Variants in SKA1 observed in about 807,000 individuals in gnomAD.
The protein encoded by SKA1 is spindle and kinetochore associated complex subunit 1.
Under a neutral mutation model 31.8 loss-of-function variants are expected in SKA1, and 20 were observed. That is an observed-to-expected ratio of 0.63 (90% CI 0.44 to 0.91). SKA1 has a LOEUF of 0.91. Ranked by LOEUF, SKA1 falls within the 40% of genes least tolerant of loss-of-function variation. SKA1 has a pLI of 0.00. For synonymous variants in SKA1, 88 were observed against 100.5 expected, an observed-to-expected ratio of 0.88 and a Z score of 0.74; for missense variants, 253 against 298.2, an observed-to-expected ratio of 0.85 and a Z score of 1.12.
intron 3 of SKA1, among the ~76,000 whole-genome samples, chr18:50,380,455 T>C (rs1244176838): frequency 3.9e-5 from 6 of 152,214 alleles, no homozygotes; most frequent in Non-Finnish European, 7.3e-5. Flanking sequence ...GCCAGTGGAA[T>C]TGAACTTTAC....
At chr18:50,382,372 A>G (rs2041270535) in intron 4 of SKA1, 146 bp downstream of exon 4, 1 of 495,448 alleles carries the variant, frequency 2.0e-6, no homozygotes, top group African/African-American at 2.0e-5. Flanking sequence ...CAGTATTTCC[A>G]TGTTCACCAG....
Position 50,391,161 on chromosome 18 carries a change from G to T in SKA1, c.487G>T (p.Asp163Tyr). 6.4e-7 allele frequency: 1 copy of T among 1,573,832 alleles called. No homozygotes were observed. Among genetic ancestry groups the T allele is most frequent in the Non-Finnish European group, 8.6e-7 (1 of 1,160,296 alleles). Residue 163 changes from aspartate to tyrosine, a missense_variant, in exon 6 of 7, where the codon GAT becomes TAT. Asp to Tyr is a radical substitution (Grantham distance 160). Coordinates refer to ENST00000285116, the MANE Select transcript of SKA1 (RefSeq NM_145060.4). ...KSRLTYNQIN[D>Y]VIKEINKAVI... ...CCGCTTAACCTATAATCAAATTAAT[G>T]ATGTTATTAAAGAAATCAACAAGGC...
At position 50,382,177 on chromosome 18, in the gene SKA1, A is replaced by G; in HGVS notation, c.262A>G (p.Lys88Glu). The G allele has an allele frequency of 1.5e-5, 23 of 1,545,318 alleles. No individual in the cohort carries two copies. Among genetic ancestry groups the G allele is most frequent in the Non-Finnish European group, 1.9e-5 (22 of 1,155,264 alleles). ...AGATTACAAAGACATAGAACATCTT[A>G]AAGAAAACGTTCCTTCCCATTTGCC... Reference protein sequence around the residue: ...EEDYKDIEHLKENVPSHLPQV... With the variant: ...EEDYKDIEHLEENVPSHLPQV... Residue 88 changes from lysine to glutamate, a missense_variant, in exon 4 of 7, where the codon AAA (lysine) becomes GAA (glutamate). By Grantham distance (56) the Lys-to-Glu change is moderately conservative. Transcript: ENST00000285116.
chr18:50,391,187 A>T lies in SKA1; in HGVS notation c.513A>T (p.Ala171=), dbSNP rs767674947. The stretch of plus-strand genomic sequence containing the variant: ...ATGTTATTAAAGAAATCAACAAGGC[A>T]GTAATTAGTAAATATAAAATCCTAC... ...INDVIKEINK[A]VISKYKILHQ... The change falls in exon 6 of 7, where the codon GCA becomes GCT. Residue 171 remains alanine (A), a synonymous_variant. Coordinates refer to ENST00000285116, the MANE Select transcript of SKA1 (RefSeq NM_145060.4). 1.2e-6 allele frequency: 2 copies of T among 1,600,290 alleles called. No individual in the cohort carries two copies. Among genetic ancestry groups the T allele is most frequent in the Admixed American group, 3.5e-5 (2 of 57,422 alleles).
rs774749397 is a variant in SKA1 at position 50,392,253 on chromosome 18, T to C, written c.*6T>C. The stretch of plus-strand genomic sequence containing the variant: ...CTCGTTATGTTATAACCTGAGTCCC[T>C]TGTGAACTTTTGAACATACCAACAG... On this transcript the variant is annotated 3_prime_UTR_variant, in exon 7 of 7. Transcript: ENST00000285116. The C allele has an allele frequency of 6.5e-6, 10 of 1,539,620 alleles. No individual in the cohort carries two copies. The highest frequency in any genetic ancestry group is 8.7e-6 in the Non-Finnish European group (10 of 1,147,998).
rs866657764 is a variant in SKA1, at chr18:50,391,225, A to G, written c.551A>G (p.Lys184Arg). ...SKYKILHQPK[K>R]SMNSVTRNLY... ...TATAAAATCCTACATCAGCCAAAAAAGTCTATGAATTCTGTGACCAGAAAT... is the reference window on the plus strand; with the variant it reads ...TATAAAATCCTACATCAGCCAAAAAGGTCTATGAATTCTGTGACCAGAAAT... The change falls in exon 6 of 7, where the codon AAG becomes AGG. Residue 184 changes from lysine to arginine, a missense_variant. By Grantham distance (26) the Lys-to-Arg change is conservative. Coordinates refer to ENST00000285116, the MANE Select transcript of SKA1 (RefSeq NM_145060.4). 6.2e-7 allele frequency: 1 copy of G among 1,606,188 alleles called. No homozygotes were observed. Among genetic ancestry groups the G allele is most frequent in the Non-Finnish European group, 8.5e-7 (1 of 1,178,288 alleles).
intron 5 of SKA1, among the ~76,000 whole-genome samples, chr18:50,388,032 C>A (rs746757177): frequency 1.3e-5 from 2 of 152,112 alleles, no homozygotes; most frequent in Non-Finnish European, 2.9e-5. Context: ...ATGGTTGCTA[C>A]GGTTGTAAAT....
chr18:50,385,495 T>C, intron 5 of SKA1, 142 bp downstream of exon 5: 1 of 781,634 alleles, frequency 1.3e-6, no homozygotes, highest in South Asian at 2.8e-5. Context: ...ACTATGAAAA[T>C]GCAGTAAATT....
Position 50,375,822 on chromosome 18 carries a change from G to C in SKA1, c.-9G>C, listed in dbSNP as rs2041210105. 6.3e-7 allele frequency: 1 copy of C among 1,579,558 alleles called. No individual in the cohort carries two copies. On this transcript the variant is annotated splice_region_variant and 5_prime_UTR_variant, in exon 2 of 7. Transcript: ENST00000285116. ...TATGTTTATGTTTTTTTCTTCAGAG[G>C]CTTAAAGGATGGCCTCGTCAGATCT...
rs2041252566 is a variant in SKA1, at chr18:50,380,219, A to G, written c.182A>G (p.Gln61Arg). ...CTAAATAAATTGGAATTGGAAATTC[A>G]GTATCAAGAACAAACCAACAATTCA... ...ELLNKLELEI[Q>R]YQEQTNNSLK... is the part of the protein sequence containing the mutation. Residue 61 changes from glutamine (Q) to arginine (R), a missense_variant, in exon 3 of 7, where the codon CAG becomes CGG. Transcript: ENST00000285116. 6.5e-7 allele frequency: 1 copy of G among 1,549,090 alleles called. No homozygotes were observed. Among genetic ancestry groups the G allele is most frequent in the Admixed American group, 2.3e-5 (1 of 43,210 alleles).
At chr18:50,377,754 T>C (rs531687100) in intron 2 of SKA1, among the ~76,000 whole-genome samples, 1 of 152,256 alleles carries the variant, frequency 6.6e-6, no homozygotes, top group South Asian at 2.1e-4. Context: ...TTGAAAACTT[T>C]CTCAAATATG....
rs34062932 is a variant in SKA1, at chr18:50,392,734, CTTTTTTTT to C, written c.*495_*502del. 2.3e-5 allele frequency: 3 copies of C among 130,870 alleles called. No homozygotes were observed. Among genetic ancestry groups the C allele is most frequent in the African/African-American group, 5.6e-5 (2 of 35,578 alleles). The allele number at this position is 130,870 out of a possible 1,614,324, so 8.1% of individuals were successfully genotyped here. A position where few individuals can be genotyped will look rare whatever the true frequency, so the allele number is the denominator to read the frequency against. On this transcript the variant is annotated 3_prime_UTR_variant, in exon 7 of 7. Transcript: ENST00000285116. ...GCTTATTTCTTGTTTTTTTCTTTTT[CTTTTTTTT>C]TTTTTTTGAGACAGTCTCGCTCTTT... is the stretch of plus-strand genomic sequence containing the variant.
intron 4 of SKA1, among the ~76,000 whole-genome samples, chr18:50,384,871 T>TAAAAAAAAAAAAAAAAAAATA (rs10608403): frequency 2.4e-5 from 2 of 82,598 alleles, no homozygotes; most frequent in Non-Finnish European, 4.2e-5. Flanking sequence ...AAAAAAAAAT[T>TAAAAAAAAAAAAAAAAAAATA]AAAAAAAAAA....
At chr18:50,387,533 T>G (rs1480489018) in intron 5 of SKA1, among the ~76,000 whole-genome samples, 1 of 152,218 alleles carries the variant, frequency 6.6e-6, no homozygotes. Flanking sequence ...CTCACAGTTC[T>G]TGGGTTTTCT....
intron 2 of SKA1, among the ~76,000 whole-genome samples, chr18:50,376,375 T>C (rs1332894629): frequency 2.0e-5 from 3 of 152,216 alleles, no homozygotes; most frequent in African/African-American, 7.2e-5. Context: ...AGCCTATTGC[T>C]CCTAGGCAAC....
intron 3 of SKA1, among the ~76,000 whole-genome samples, chr18:50,381,813 C>T (rs7234375): frequency 0.28 from 42,606 of 150,488 alleles, 6,261 homozygotes; most frequent in African/African-American, 0.35. Context: ...GCAGCCTCCT[C>T]CTCCCAGGTT....
At chr18:50,391,777 G>A (rs768905547) in intron 6 of SKA1, among the ~76,000 whole-genome samples, 3 of 152,186 alleles carry the variant, frequency 2.0e-5, no homozygotes, top group Non-Finnish European at 2.9e-5. Context: ...TAGGCAAAGA[G>A]AGCTTAACTT....
At position 50,381,722 on chromosome 18, in the gene SKA1, G is replaced by GTTTTTTTTTTTTTTTTTT. The variant is rs1568328805; in HGVS notation, c.214-407_214-406insTTTTTTTTTTTTTTTTTT. 1.6e-5 allele frequency among the ~76,000 whole-genome samples: 2 copies of GTTTTTTTTTTTTTTTTTT among 125,884 alleles called. 1 individual carries two copies. 82.6% of individuals were successfully genotyped at this position (125,884 alleles called of 152,430 possible). The stretch of plus-strand genomic sequence containing the variant: ...GCATTTTCGGTACTCCAGTCAATGT[G>GTTTTTTTTTTTTTTTTTT]GTTTTTTTTTTTTTTTTTTTTTGAG... On this transcript the variant is annotated intron_variant, in intron 3 of 6. Coordinates refer to ENST00000285116, the MANE Select transcript of SKA1 (RefSeq NM_145060.4).
Position 50,385,199 on chromosome 18 carries a change from A to G in SKA1, c.312-17A>G. The G allele has an allele frequency of 6.3e-7, 1 of 1,590,386 alleles. No homozygotes were observed. The highest frequency in any genetic ancestry group is 8.5e-7 in the Non-Finnish European group (1 of 1,171,434). The stretch of plus-strand genomic sequence containing the variant: ...TTCTGAAAATTGCCTGTATGTATGT[A>G]CATCTGTATTCTGTAGTGTTAAGGG... On this transcript the variant is annotated splice_polypyrimidine_tract_variant and intron_variant, in intron 4 of 6. Coordinates refer to ENST00000285116, the MANE Select transcript of SKA1 (RefSeq NM_145060.4).
Sources: allele counts gnomAD v4.1 joint callset (sites outside exome capture counted in the v4.1 genomes callset), GRCh38; gene constraint gnomAD v4.1.1; transcripts MANE v1.5; gene names NCBI Gene and HGNC (gene_info 2026-07-23, HGNC 2026-07-21).